Variants in MAGI1 observed in about 807,000 individuals in gnomAD.
The protein encoded by MAGI1 is membrane associated guanylate kinase, WW and PDZ domain containing 1.
A neutral mutation model predicts 139.9 loss-of-function variants in MAGI1; 58 were observed. The ratio of observed to expected loss-of-function variants is 0.41; its 90% CI spans 0.34 to 0.52. MAGI1 has a LOEUF of 0.52. Among genes scored for constraint, MAGI1 ranks in the 20% least tolerant of loss-of-function variants. MAGI1 has a pLI of 0.12. For synonymous variants in MAGI1, 812 were observed against 737.9 expected, an observed-to-expected ratio of 1.10 and a Z score of -1.63; for missense variants, 1,874 against 1,901.6, an observed-to-expected ratio of 0.99 and a Z score of 0.27.
chr3:65,853,063 C>A (rs1298479301), intron 1 of MAGI1, among the ~76,000 whole-genome samples: 1 of 151,616 alleles, frequency 6.6e-6, no homozygotes, highest in African/African-American at 2.4e-5. Context: ...GCAGGGAAAT[C>A]GCTTGAACCC....
chr3:65,910,555 C>T (rs966047169), intron 1 of MAGI1, among the ~76,000 whole-genome samples: 17 of 152,184 alleles, frequency 1.1e-4, no homozygotes, highest in Admixed American at 8.5e-4. Flanking sequence ...AACACTGATA[C>T]GATGGAGGAC....
chr3:65,442,962 C>A, intron 7 of MAGI1, 113 bp from the exon 8 acceptor site: 3 of 721,892 alleles, frequency 4.2e-6, no homozygotes, highest in South Asian at 1.8e-5. Flanking sequence ...GCTTTAAATC[C>A]AATTAAAACT....
chr3:65,947,144 G>C (rs901026236), intron 1 of MAGI1, among the ~76,000 whole-genome samples: 1 of 152,060 alleles, frequency 6.6e-6, no homozygotes, highest in East Asian at 1.9e-4. Flanking sequence ...AATAACTCCC[G>C]AGCTTGTGTT....
chr3:65,916,411 C>T (rs1450601254), intron 1 of MAGI1, among the ~76,000 whole-genome samples: 1 of 152,168 alleles, frequency 6.6e-6, no homozygotes, highest in African/African-American at 2.4e-5. Flanking sequence ...AATGGACTCA[C>T]AGTTCCATGT....
chr3:65,651,649 T>C (rs1476127159), intron 1 of MAGI1, among the ~76,000 whole-genome samples: 1 of 152,176 alleles, frequency 6.6e-6, no homozygotes, highest in Non-Finnish European at 1.5e-5. Flanking sequence ...TGTCTCCTTC[T>C]TTTTCTCACT....
chr3:65,419,011 G>A (rs977579501), intron 12 of MAGI1, among the ~76,000 whole-genome samples: 3 of 152,136 alleles, frequency 2.0e-5, no homozygotes, highest in African/African-American at 7.2e-5. Context: ...CTGCGCTGGC[G>A]GCTCCATCTT....
chr3:65,773,190 G>GT (rs1257513802), intron 1 of MAGI1, among the ~76,000 whole-genome samples: 6 of 152,118 alleles, frequency 3.9e-5, no homozygotes, highest in Non-Finnish European at 8.8e-5. Flanking sequence ...CTATGATGTA[G>GT]GAGTAATATA....
intron 1 of MAGI1, among the ~76,000 whole-genome samples, chr3:65,850,695 A>G (rs2059170837): frequency 1.3e-5 from 2 of 152,186 alleles, no homozygotes; most frequent in Non-Finnish European, 1.5e-5. Flanking sequence ...CTTTAGAAGA[A>G]AAGCCACCGA....
intron 2 of MAGI1, among the ~76,000 whole-genome samples, chr3:65,556,775 T>C (rs889078614): frequency 6.6e-6 from 1 of 152,202 alleles, no homozygotes; most frequent in African/African-American, 2.4e-5. Flanking sequence ...TAAATCTGAC[T>C]ATGTCATTCC....
At chr3:65,941,208 A>G (rs891456617) in intron 1 of MAGI1, among the ~76,000 whole-genome samples, 1 of 152,070 alleles carries the variant, frequency 6.6e-6, no homozygotes, top group Non-Finnish European at 1.5e-5. Flanking sequence ...TTAGCTGAGC[A>G]TGGTAGCAGG....
intron 1 of MAGI1, among the ~76,000 whole-genome samples, chr3:65,697,022 T>C (rs1280297467): frequency 6.6e-6 from 1 of 151,938 alleles, no homozygotes; most frequent in Non-Finnish European, 1.5e-5. Context: ...ATAGACACAA[T>C]GAAAAATGAT....
intron 1 of MAGI1, among the ~76,000 whole-genome samples, chr3:65,974,156 T>A (rs1010365027): frequency 6.6e-6 from 1 of 151,998 alleles, no homozygotes; most frequent in African/African-American, 2.4e-5. Context: ...TCAACTCTTG[T>A]TTTGCTGAAG....
At chr3:65,691,749 CT>C (rs1267995964) in intron 1 of MAGI1, among the ~76,000 whole-genome samples, 20 of 152,146 alleles carry the variant, frequency 1.3e-4, no homozygotes, top group African/African-American at 4.6e-4. Flanking sequence ...AGAAGTTATA[CT>C]GTCAGCATTA....
intron 1 of MAGI1, among the ~76,000 whole-genome samples, chr3:65,786,352 G>T (rs1482463223): frequency 6.7e-6 from 1 of 148,250 alleles, no homozygotes; most frequent in Non-Finnish European, 1.5e-5. Context: ...TGTCACCCAG[G>T]CTGGCATGCA....
chr3:65,602,996 T>C (rs1046179878), intron 2 of MAGI1, among the ~76,000 whole-genome samples: 5 of 152,124 alleles, frequency 3.3e-5, no homozygotes, highest in Non-Finnish European at 5.9e-5. Flanking sequence ...CTAGACAGAA[T>C]GGTTCATTTT....
intron 8 of MAGI1, among the ~76,000 whole-genome samples, chr3:65,441,319 T>C (rs1008617580): frequency 2.6e-5 from 4 of 152,180 alleles, no homozygotes; most frequent in Non-Finnish European, 5.9e-5. Context: ...AGTATTGTGA[T>C]TATTTAGAAC....
At chr3:65,937,060 A>C (rs2063099329) in intron 1 of MAGI1, among the ~76,000 whole-genome samples, 1 of 152,080 alleles carries the variant, frequency 6.6e-6, no homozygotes, top group Non-Finnish European at 1.5e-5. Flanking sequence ...CCTGATGATT[A>C]ACAATTTTGT....
At chr3:65,673,657 A>G (rs1291399785) in intron 1 of MAGI1, among the ~76,000 whole-genome samples, 1 of 152,200 alleles carries the variant, frequency 6.6e-6, no homozygotes, top group Non-Finnish European at 1.5e-5. Flanking sequence ...GGGTGCTTCC[A>G]GCTCTGACAT....
intron 1 of MAGI1, chr3:65,844,294 C>A: frequency 2.8e-6 from 1 of 355,770 alleles, no homozygotes; most frequent in South Asian, 2.3e-5. Flanking sequence ...CTCACACGGT[C>A]AGATTAACTG....
Sources: allele counts gnomAD v4.1 joint callset (sites outside exome capture counted in the v4.1 genomes callset), GRCh38; gene constraint gnomAD v4.1.1; transcripts MANE v1.5; gene names NCBI Gene and HGNC (gene_info 2026-07-23, HGNC 2026-07-21).